The following KCNAB1 variants were observed in gnomAD, a reference collection of about 807,000 sequenced individuals.
The protein encoded by KCNAB1 is potassium voltage-gated channel subfamily A regulatory beta subunit 1.
A neutral mutation model predicts 64.6 loss-of-function variants in KCNAB1; 35 were observed. The ratio of observed to expected loss-of-function variants is 0.54; its 90% CI spans 0.41 to 0.72. The LOEUF is 0.72. Among genes scored for constraint, KCNAB1 ranks in the 30% least tolerant of loss-of-function variants. KCNAB1 has a pLI of 0.00. For missense variants in KCNAB1, 401 were observed against 512.9 expected (o/e 0.78, Z 2.11); for synonymous variants, 177 against 183.8 (o/e 0.96, Z 0.30).
rs1446105084 is a variant in KCNAB1, at chr3:156,352,043, C to T, written c.276-69573C>T. 2.6e-5 allele frequency among the ~76,000 whole-genome samples: 4 copies of T among 152,212 alleles called. No individual in the cohort carries two copies. In the East Asian group the frequency reaches 7.7e-4, roughly 29 times the overall value. ...GAGCTCTGTGAGGCTGGCTCAGGGG[C>T]TGCTACCCAGGCTTCCTGCAGCCAT... On this transcript the variant is annotated intron_variant, in intron 1 of 13. Transcript: ENST00000490337.
intron 1 of KCNAB1, among the ~76,000 whole-genome samples, chr3:156,297,724 A>G (rs1375235259): frequency 6.6e-6 from 1 of 152,064 alleles, no homozygotes; most frequent in African/African-American, 2.4e-5. Flanking sequence ...TGAAAGATCA[A>G]TCTTGTCAGC....
chr3:156,182,628 T>TCCC (rs1553815355), intron 1 of KCNAB1, among the ~76,000 whole-genome samples: 253 of 143,692 alleles, frequency 1.8e-3, no homozygotes, highest in Middle Eastern at 7.1e-3. Flanking sequence ...TGGTTTTTTT[T>TCCC]TCCCCCCCCC....
At chr3:156,493,023 T>C (rs1199659529) in intron 8 of KCNAB1, among the ~76,000 whole-genome samples, 1 of 152,140 alleles carries the variant, frequency 6.6e-6, no homozygotes, top group Non-Finnish European at 1.5e-5. Flanking sequence ...AGTAAAACAA[T>C]AACCACACAA....
At chr3:156,338,148 G>A (rs1012872655) in intron 1 of KCNAB1, among the ~76,000 whole-genome samples, 1 of 152,128 alleles carries the variant, frequency 6.6e-6, no homozygotes, top group Non-Finnish European at 1.5e-5. Context: ...CACAAATCTG[G>A]TTGATCAAGT....
chr3:156,501,624 G>T (rs571767601), intron 8 of KCNAB1, among the ~76,000 whole-genome samples: 1 of 151,904 alleles, frequency 6.6e-6, no homozygotes, highest in Non-Finnish European at 1.5e-5. Flanking sequence ...TAGAGACGGG[G>T]TTTCACCATG....
chr3:156,299,027 T>C (rs1319447640), intron 1 of KCNAB1, among the ~76,000 whole-genome samples: 1 of 152,248 alleles, frequency 6.6e-6, no homozygotes, highest in Admixed American at 6.5e-5. Flanking sequence ...CAAGACGCCA[T>C]CTAGTACAGT....
At chr3:156,342,258 G>C (rs1205101041) in intron 1 of KCNAB1, among the ~76,000 whole-genome samples, 1 of 152,154 alleles carries the variant, frequency 6.6e-6, no homozygotes, top group Admixed American at 6.5e-5. Context: ...TACACTTCAG[G>C]GTTGGGGAGA....
chr3:156,300,119 T>G (rs1161192389), intron 1 of KCNAB1, among the ~76,000 whole-genome samples: 2 of 152,168 alleles, frequency 1.3e-5, no homozygotes, highest in Non-Finnish European at 2.9e-5. Context: ...TTCTGATACC[T>G]GGGGAGGGAG....
At chr3:156,395,498 T>A (rs1269327474) in intron 1 of KCNAB1, among the ~76,000 whole-genome samples, 38 of 116,620 alleles carry the variant, frequency 3.3e-4, no homozygotes, top group South Asian at 5.9e-4. Context: ...TGAGCCGAGA[T>A]CCCGCCACTG....
intron 11 of KCNAB1, among the ~76,000 whole-genome samples, chr3:156,522,943 C>A (rs1287839181): frequency 6.6e-6 from 1 of 152,176 alleles, no homozygotes; most frequent in African/African-American, 2.4e-5. Context: ...ATACTCTTTT[C>A]CCCTGGGTGT....
intron 1 of KCNAB1, among the ~76,000 whole-genome samples, chr3:156,202,420 C>T (rs1714394954): frequency 2.0e-5 from 3 of 152,344 alleles, no homozygotes; most frequent in South Asian, 2.1e-4. Flanking sequence ...ACTGTGTCTT[C>T]CCTCCATCCA....
At chr3:156,269,563 T>C (rs1223838603) in intron 1 of KCNAB1, among the ~76,000 whole-genome samples, 1 of 152,222 alleles carries the variant, frequency 6.6e-6, no homozygotes, top group Non-Finnish European at 1.5e-5. Flanking sequence ...TTTTTTGTTC[T>C]AGATGATCTG....
intron 1 of KCNAB1, among the ~76,000 whole-genome samples, chr3:156,183,499 A>G (rs745362064): frequency 1.3e-5 from 2 of 152,158 alleles, no homozygotes; most frequent in African/African-American, 4.8e-5. Context: ...CTGGCAGTGC[A>G]TGGTTTGTGT....
chr3:156,536,996 C>T lies in KCNAB1; in HGVS notation c.*249C>T. The T allele has an allele frequency of 3.9e-6, 2 of 514,192 alleles. No homozygotes were observed. The highest frequency in any genetic ancestry group is 3.6e-5 in the Admixed American group (1 of 27,882). The allele number at this position is 514,192 out of a possible 1,614,324, so 31.9% of individuals were successfully genotyped here. ...CCTATTCTTGCATTGCTGTATACAC[C>T]TCATGCTTATGCAATGGGAAGAATA... is the stretch of plus-strand genomic sequence containing the variant. On this transcript the variant is annotated 3_prime_UTR_variant, in exon 14 of 14. Coordinates refer to ENST00000490337, the MANE Select transcript of KCNAB1 (RefSeq NM_172160.3).
chr3:156,496,311 G>T (rs956450550), intron 8 of KCNAB1, among the ~76,000 whole-genome samples: 4 of 152,178 alleles, frequency 2.6e-5, no homozygotes, highest in Admixed American at 1.3e-4. Context: ...TCTTGGGAGA[G>T]ACCTGGTGGG....
At chr3:156,224,297 C>T (rs1024792705) in intron 1 of KCNAB1, among the ~76,000 whole-genome samples, 3 of 152,364 alleles carry the variant, frequency 2.0e-5, no homozygotes, top group East Asian at 1.9e-4. Context: ...GGTTTCCACC[C>T]GTGCCTCTCC....
intron 1 of KCNAB1, among the ~76,000 whole-genome samples, chr3:156,419,839 T>A (rs963635482): frequency 1.3e-5 from 2 of 152,236 alleles, no homozygotes; most frequent in African/African-American, 4.8e-5. Flanking sequence ...TGTATCTCCA[T>A]GACTTTTTAA....
intron 1 of KCNAB1, among the ~76,000 whole-genome samples, chr3:156,366,306 T>C (rs536923735): frequency 5.3e-5 from 8 of 152,144 alleles, no homozygotes; most frequent in South Asian, 2.1e-4. Flanking sequence ...TGCTAGAAAA[T>C]AGTGAAGCAA....
At chr3:156,200,819 T>C (rs1909375) in intron 1 of KCNAB1, among the ~76,000 whole-genome samples, 89,240 of 152,054 alleles carry the variant, frequency 0.59, 26,858 homozygotes, top group East Asian at 0.89. Context: ...GCGGAGTGAA[T>C]GGTTCTGTTT....
Sources: allele counts gnomAD v4.1 joint callset (sites outside exome capture counted in the v4.1 genomes callset), GRCh38; gene constraint gnomAD v4.1.1; transcripts MANE v1.5; gene names NCBI Gene and HGNC (gene_info 2026-07-23, HGNC 2026-07-21).